DENND10: variants seen among roughly 807,000 people sequenced by gnomAD.
DENND10 encodes the protein DENN domain-containing protein 10.
Under a neutral mutation model 43.6 loss-of-function variants are expected in DENND10, and 24 were observed. That is an observed-to-expected ratio of 0.55 (90% CI 0.40 to 0.77). DENND10 has a LOEUF of 0.77. Ranked by LOEUF, DENND10 falls within the 30% of genes least tolerant of loss-of-function variation. The pLI is 0.00. For synonymous variants in DENND10, 125 were observed against 157.6 expected (o/e 0.79, Z 1.55); for missense variants, 303 against 429.9 (o/e 0.70, Z 2.61).
chr10:119,117,974 A>C (rs1362464131), intron 4 of DENND10, among the ~76,000 whole-genome samples: 2 of 152,180 alleles, frequency 1.3e-5, no homozygotes, highest in Non-Finnish European at 2.9e-5. Context: ...TCAAAAAAAA[A>C]ACAAAAAACA....
At chr10:119,136,111 G>A (rs1439447144) in intron 8 of DENND10, among the ~76,000 whole-genome samples, 1 of 152,154 alleles carries the variant, frequency 6.6e-6, no homozygotes, top group Non-Finnish European at 1.5e-5. Context: ...CTGGGAGGTC[G>A]AGGCTGCAGT....
At chr10:119,131,286 G>A (rs1164731549) in intron 7 of DENND10, among the ~76,000 whole-genome samples, 9 of 152,098 alleles carry the variant, frequency 5.9e-5, no homozygotes, top group Admixed American at 2.0e-4. Flanking sequence ...GTGAAACCCC[G>A]TCTCTACCAA....
At chr10:119,112,020 C>T in intron 3 of DENND10, 92 bp downstream of exon 3, 1 of 926,720 alleles carries the variant, frequency 1.1e-6, no homozygotes, top group Non-Finnish European at 1.8e-6. Context: ...AAGCAAAGTT[C>T]AGCCTTGTGT....
intron 3 of DENND10, among the ~76,000 whole-genome samples, chr10:119,116,714 G>C (rs1190350073): frequency 4.0e-5 from 6 of 150,880 alleles, no homozygotes; most frequent in Non-Finnish European, 2.9e-5. Context: ...TGTTGACCAG[G>C]CTGGAATGCA....
In DENND10 at chr10:119,132,660, G is replaced by C; in HGVS notation, c.897+51G>C. On this transcript the variant is annotated intron_variant, in intron 8 of 8. Transcript: ENST00000361432. The surrounding 1 kb of genome is among the most constrained non-coding windows in gnomAD (Gnocchi z 4.2). ...TGAAAGTCCTGACCCGGTGTCGCTG[G>C]GTGGTGTGCGGCAGAGCTGTGCACA... is the stretch of plus-strand genomic sequence containing the variant. The C allele has an allele frequency of 6.9e-7, 1 of 1,445,516 alleles. No individual in the cohort carries two copies. The highest frequency in any genetic ancestry group is 1.1e-5 in the South Asian group (1 of 87,628). 89.5% of individuals were successfully genotyped at this position (1,445,516 alleles called of 1,614,324 possible). A position where few individuals can be genotyped will look rare whatever the true frequency, so the allele number is the denominator to read the frequency against.
At chr10:119,133,286 C>A in intron 8 of DENND10, 1 of 152,726 alleles carries the variant, frequency 6.5e-6, no homozygotes. Flanking sequence ...TCCAGCGTTG[C>A]CTTATCTAGA....
At chr10:119,104,714 A>T (rs1312355679) in intron 1 of DENND10, 2 of 152,032 alleles carry the variant, frequency 1.3e-5, no homozygotes, top group African/African-American at 4.8e-5. Flanking sequence ...GGGCAGCTGG[A>T]GACTGCTGGG....
chr10:119,110,989 C>T (rs542495798), intron 2 of DENND10, among the ~76,000 whole-genome samples: 14 of 152,024 alleles, frequency 9.2e-5, no homozygotes, highest in South Asian at 2.1e-4. Context: ...AGTCTGGGTG[C>T]GGTGGCTGAT....
intron 6 of DENND10, among the ~76,000 whole-genome samples, chr10:119,125,491 T>C (rs1420867938): frequency 6.8e-6 from 1 of 146,826 alleles, no homozygotes; most frequent in Non-Finnish European, 1.5e-5. Context: ...GTGATTCCAC[T>C]TCTAGTTTTC....
intron 1 of DENND10, among the ~76,000 whole-genome samples, chr10:119,107,631 C>T (rs1844760619): frequency 1.3e-5 from 2 of 152,016 alleles, no homozygotes; most frequent in South Asian, 2.1e-4. Context: ...CTCGAAGTCC[C>T]GACCTCAGGT....
At chr10:119,104,329 T>G in intron 1 of DENND10, 132 bp downstream of exon 1, 1 of 831,266 alleles carries the variant, frequency 1.2e-6, no homozygotes, top group Non-Finnish European at 1.8e-6. Context: ...CCCTCCCTGT[T>G]GGGCCTGGAC....
chr10:119,133,267 G>A lies in DENND10; in HGVS notation c.897+658G>A, dbSNP rs76653679. ...CCCAGCTCCTTGCTCCTCTCCTGAA[G>A]GATACACTTCCAGCGTTGCCTTATC... On this transcript the variant is annotated intron_variant, in intron 8 of 8. Transcript: ENST00000361432. 2,027 of 153,182 alleles carry A rather than the reference G, an allele frequency of 0.013. 128 individuals are homozygous for A. The East Asian group carries it at 0.19, about 14-fold the overall frequency. 9.5% of individuals were successfully genotyped at this position (153,182 alleles called of 1,614,324 possible). A position where few individuals can be genotyped will look rare whatever the true frequency, so the allele number is the denominator to read the frequency against.
chr10:119,119,388 C>T (rs1176269521), intron 4 of DENND10, among the ~76,000 whole-genome samples: 3 of 151,750 alleles, frequency 2.0e-5, no homozygotes, highest in South Asian at 4.2e-4. Flanking sequence ...GTTATCCACC[C>T]GCCTCGGCCT....
chr10:119,131,529 G>A (rs1011613099), intron 7 of DENND10, among the ~76,000 whole-genome samples: 7 of 152,152 alleles, frequency 4.6e-5, no homozygotes, highest in Admixed American at 1.3e-4. Context: ...GCTTAAATGC[G>A]TGTTGAGCAC....
chr10:119,125,488 C>T (rs112641478), intron 6 of DENND10, among the ~76,000 whole-genome samples: 49 of 147,070 alleles, frequency 3.3e-4, no homozygotes, highest in Non-Finnish European at 5.5e-4. Context: ...ATTGTGATTC[C>T]ACTTCTAGTT....
chr10:119,116,161 C>A (rs1214007252), intron 3 of DENND10, among the ~76,000 whole-genome samples: 1 of 152,114 alleles, frequency 6.6e-6, no homozygotes, highest in Non-Finnish European at 1.5e-5. Context: ...GTTTCTCAAG[C>A]AAAATTTAAT....
rs1846126159 is a variant in DENND10 at position 119,132,358 on chromosome 10, ATGT to A, written c.803-153_803-151del. Among the ~76,000 whole-genome samples the A allele has an allele frequency of 6.6e-6, 1 of 152,180 alleles. No individual in the cohort carries two copies. Among genetic ancestry groups the A allele is most frequent in the Non-Finnish European group, 1.5e-5 (1 of 68,046 alleles). On this transcript the variant is annotated intron_variant, in intron 7 of 8. Coordinates refer to ENST00000361432, the MANE Select transcript of DENND10 (RefSeq NM_207009.4). This position sits in a 1 kb window ranked among gnomAD's most constrained non-coding sequence, Gnocchi z 4.2. Reference sequence around the variant, plus strand: ...ATTATATTATGCCTTTCCTCCCAGCATGTTGTCATATTTGTGTCTAGTGATAAA... The same window carrying A: ...ATTATATTATGCCTTTCCTCCCAGCATGTCATATTTGTGTCTAGTGATAAA...
At chr10:119,107,497 G>A (rs549404385) in intron 1 of DENND10, among the ~76,000 whole-genome samples, 2 of 151,086 alleles carry the variant, frequency 1.3e-5, no homozygotes, top group Admixed American at 1.3e-4. Context: ...TCTGCCTCCC[G>A]GGTTCAAGCA....
At chr10:119,123,217 C>T (rs1845654960) in intron 5 of DENND10, among the ~76,000 whole-genome samples, 1 of 152,152 alleles carries the variant, frequency 6.6e-6, no homozygotes, top group African/African-American at 2.4e-5. Flanking sequence ...TGCAGTGAGC[C>T]AAAATCGCGC....
Sources: gnomAD v4.1 joint callset for allele counts (sites outside exome capture counted in the v4.1 genomes callset) on GRCh38, gnomAD v4.1.1 for gene constraint, Gnocchi (gnomAD v3.1) non-coding constraint, MANE v1.5 for transcripts, NCBI Gene and HGNC (gene_info 2026-07-23, HGNC 2026-07-21) for gene names.